Variants in COPS7B observed in about 807,000 individuals in gnomAD.
COPS7B encodes the protein COP9 signalosome complex subunit 7b.
Under a neutral mutation model 33.4 loss-of-function variants are expected in COPS7B, and 9 were observed. That is an observed-to-expected ratio of 0.27 (90% CI 0.16 to 0.47). The LOEUF is 0.47. Ranked by LOEUF, COPS7B falls within the 20% of genes least tolerant of loss-of-function variation. The probability of loss-of-function intolerance (pLI) is 0.99; values close to 1 mark genes in which losing one functional copy is unlikely to be tolerated. For missense variants in COPS7B, 242 were observed against 318.2 expected (o/e 0.76, Z 1.82); for synonymous variants, 119 against 126.3 (o/e 0.94, Z 0.39).
chr2:231,785,030 C>T (rs952809990), upstream of COPS7B, among the ~76,000 whole-genome samples: 4 of 152,330 alleles, frequency 2.6e-5, no homozygotes, highest in Admixed American at 6.5e-5. Context: ...AGGCCGGTCT[C>T]GAACTCCTGA....
chr2:231,803,003 C>T (rs569570023), intron 6 of COPS7B, among the ~76,000 whole-genome samples: 1 of 152,384 alleles, frequency 6.6e-6, no homozygotes, highest in South Asian at 2.1e-4. Context: ...CCAAGAAGCC[C>T]TCTTTTCCTC....
At chr2:231,781,682 C>G (rs2049134395), upstream of COPS7B, 1 of 668,434 alleles carries the variant, frequency 1.5e-6, no homozygotes, top group Non-Finnish European at 2.6e-6. Flanking sequence ...CCCAGCATCC[C>G]CTGCACTCGG....
chr2:231,793,971 A>T, intron 3 of COPS7B: 1 of 353,496 alleles, frequency 2.8e-6, no homozygotes. Context: ...TGTTTAATTT[A>T]ATTGAATGTC....
chr2:231,794,109 AAAG>A, intron 3 of COPS7B, 151 bp from the exon 4 acceptor site: 1 of 559,880 alleles, frequency 1.8e-6, no homozygotes, highest in Non-Finnish European at 3.2e-6. Context: ...ATAGTCTTCC[AAAG>A]AAGACAGGAA....
At chr2:231,782,072 C>T (rs965154388), upstream of COPS7B, among the ~76,000 whole-genome samples, 1 of 152,136 alleles carries the variant, frequency 6.6e-6, no homozygotes, top group African/African-American at 2.4e-5. Flanking sequence ...CATAAAGGGA[C>T]TTTGCTAATC....
intron 6 of COPS7B, among the ~76,000 whole-genome samples, chr2:231,803,753 A>G (rs1574679687): frequency 6.6e-6 from 1 of 152,208 alleles, no homozygotes; most frequent in African/African-American, 2.4e-5. Flanking sequence ...TGACTGCAGA[A>G]GGATGATGCG....
At chr2:231,786,335 G>A, upstream of COPS7B, 2 of 612,780 alleles carry the variant, frequency 3.3e-6, no homozygotes, top group South Asian at 7.2e-5. Flanking sequence ...GGAGGTCGAA[G>A]GCTGTAAACG....
upstream of COPS7B, among the ~76,000 whole-genome samples, chr2:231,784,244 G>A (rs1230321527): frequency 6.6e-6 from 1 of 151,926 alleles, no homozygotes; most frequent in Non-Finnish European, 1.5e-5. Flanking sequence ...CACTCTGGGA[G>A]CCAAGGTGGG....
chr2:231,791,667 C>T (rs566177020), intron 2 of COPS7B, 66 bp from the exon 3 acceptor site: 1 of 1,371,272 alleles, frequency 7.3e-7, no homozygotes, highest in East Asian at 2.3e-5. Context: ...CACCCGTCCT[C>T]TGTTTGAACA....
At chr2:231,805,440 T>A (rs958339551) in intron 6 of COPS7B, among the ~76,000 whole-genome samples, 64 of 123,682 alleles carry the variant, frequency 5.2e-4, no homozygotes, top group South Asian at 3.1e-3. Context: ...TATTTTTTTT[T>A]AAATTTTATA....
chr2:231,798,800 AGCCT>A, intron 5 of COPS7B, 55 bp from the exon 6 acceptor site: 1 of 1,381,182 alleles, frequency 7.2e-7, no homozygotes, highest in Non-Finnish European at 1.0e-6. Context: ...AATATTTCTG[AGCCT>A]GGAAGAGACT....
In COPS7B at chr2:231,809,239, A is replaced by C. The variant is rs2049982426; in HGVS notation, c.*1594A>C. On this transcript the variant is annotated 3_prime_UTR_variant, in exon 7 of 7. Coordinates refer to ENST00000350033, the MANE Select transcript of COPS7B (RefSeq NM_022730.4). ...GGTTCTGTTATGAAATAAATGTTGCACTCCCTGCATCCCATATCCTCATTG... is the reference window on the plus strand; with the variant it reads ...GGTTCTGTTATGAAATAAATGTTGCCCTCCCTGCATCCCATATCCTCATTG... The C allele has an allele frequency of 6.6e-6, 1 of 152,322 alleles. No homozygotes were observed. The highest frequency in any genetic ancestry group is 2.4e-5 in the African/African-American group (1 of 41,352). The allele number at this position is 152,322 out of a possible 1,614,324, so 9.4% of individuals were successfully genotyped here. A position where few individuals can be genotyped will look rare whatever the true frequency, so the allele number is the denominator to read the frequency against.
intron 2 of COPS7B, 98 bp from the exon 3 acceptor site, chr2:231,791,635 C>A: frequency 2.0e-6 from 2 of 976,126 alleles, no homozygotes; most frequent in South Asian, 1.4e-5. Flanking sequence ...AATAAACAGC[C>A]ATGGCATCTT....
chr2:231,799,200 A>G (rs2049671640), intron 6 of COPS7B, among the ~76,000 whole-genome samples: 1 of 152,146 alleles, frequency 6.6e-6, no homozygotes. Context: ...GGCTTGGAGA[A>G]CAGAGAATGT....
At chr2:231,782,918 T>C (rs916483750), upstream of COPS7B, among the ~76,000 whole-genome samples, 6 of 152,282 alleles carry the variant, frequency 3.9e-5, no homozygotes, top group Non-Finnish European at 8.8e-5. Flanking sequence ...AATCAAGATA[T>C]AGAACATTTC....
chr2:231,787,514 G>T (rs1039301138), intron 1 of COPS7B, among the ~76,000 whole-genome samples: 2 of 151,776 alleles, frequency 1.3e-5, no homozygotes, highest in Admixed American at 1.3e-4. Context: ...TAATGTCTTC[G>T]GAGCGCTGAT....
intron 3 of COPS7B, among the ~76,000 whole-genome samples, chr2:231,792,662 C>CT: frequency 1.3e-5 from 2 of 152,152 alleles, no homozygotes; most frequent in Middle Eastern, 6.8e-3. Flanking sequence ...TATTTTAAGT[C>CT]TTTTTAATAT....
chr2:231,787,743 C>G (rs1196712437), intron 1 of COPS7B, among the ~76,000 whole-genome samples: 1 of 152,156 alleles, frequency 6.6e-6, no homozygotes, highest in Non-Finnish European at 1.5e-5. Context: ...GCTTACTTGA[C>G]TTGATTAAAT....
At chr2:231,801,493 G>A (rs1452389578) in intron 6 of COPS7B, among the ~76,000 whole-genome samples, 1 of 152,124 alleles carries the variant, frequency 6.6e-6, no homozygotes, top group Non-Finnish European at 1.5e-5. Context: ...AGTGCATGGA[G>A]TGCAGTGGTG....
Sources: gnomAD v4.1 joint callset for allele counts (sites outside exome capture counted in the v4.1 genomes callset) on GRCh38, gnomAD v4.1.1 for gene constraint, MANE v1.5 for transcripts, NCBI Gene and HGNC (gene_info 2026-07-23, HGNC 2026-07-21) for gene names.